ETV5: variants seen among roughly 807,000 people sequenced by gnomAD.
ETV5 encodes ETS variant transcription factor 5.
Under a neutral mutation model 70.0 loss-of-function variants are expected in ETV5, and 10 were observed. The observed-to-expected ratio is 0.14, with a 90% CI of 0.09 to 0.24. The LOEUF (loss-of-function observed/expected upper bound fraction) is 0.24. ETV5 is among the 10% of genes least tolerant of loss of function. The pLI is 1.00. For synonymous variants in ETV5, 216 were observed against 242.2 expected, an observed-to-expected ratio of 0.89 and a Z score of 1.01; for missense variants, 453 against 651.2, an observed-to-expected ratio of 0.70 and a Z score of 3.31.
chr3:186,064,281 G>T, intron 9 of ETV5, 136 bp downstream of exon 9: 1 of 769,808 alleles, frequency 1.3e-6, no homozygotes, highest in Non-Finnish European at 2.2e-6. Flanking sequence ...CCTGGAAACT[G>T]AGCAATTTTA....
At chr3:186,060,202 A>G (rs1713270948) in intron 9 of ETV5, among the ~76,000 whole-genome samples, 1 of 152,240 alleles carries the variant, frequency 6.6e-6, no homozygotes, top group South Asian at 2.1e-4. Context: ...AAGGTAAGAA[A>G]AATACATTCA....
In ETV5 at chr3:186,105,704, T is replaced by C. The variant is rs774311564; in HGVS notation, c.54A>G (p.Arg18=). 1.2e-6 allele frequency: 2 copies of C among 1,614,126 alleles called. No homozygotes were observed. Among genetic ancestry groups the C allele is most frequent in the Non-Finnish European group, 1.7e-6 (2 of 1,180,026 alleles). Residue 18 remains arginine (R), a synonymous_variant, in exon 3 of 13, where the codon CGA becomes CGG. Transcript: ENST00000306376. This position sits in a 1 kb window ranked among gnomAD's most constrained non-coding sequence, Gnocchi z 4.5. Reference sequence around the variant, plus strand: ...CAGGCCGCCCTCTGCATTCCTCAGATCGAGATTTCTGAAAGAGGCCAACAG... The same window carrying C: ...CAGGCCGCCCTCTGCATTCCTCAGACCGAGATTTCTGAAAGAGGCCAACAG... ...QVPFMVPGKS[R]SEECRGRPVI...
At chr3:186,081,596 G>C (rs1713935774) in intron 5 of ETV5, among the ~76,000 whole-genome samples, 1 of 152,020 alleles carries the variant, frequency 6.6e-6, no homozygotes, top group African/African-American at 2.4e-5. Context: ...GCTTATCAAA[G>C]GCTTAAAATT....
intron 1 of ETV5, among the ~76,000 whole-genome samples, 154 bp from the exon 2 acceptor site, chr3:186,106,096 C>A (rs994038171): frequency 7.2e-5 from 11 of 152,122 alleles, no homozygotes; most frequent in African/African-American, 2.7e-4. Context: ...CACACCAATG[C>A]CGGGCTTGAT....
intron 7 of ETV5, among the ~76,000 whole-genome samples, chr3:186,074,859 C>CAAAAAAAAA (rs747453303): frequency 2.0e-4 from 15 of 76,418 alleles, no homozygotes; most frequent in South Asian, 5.0e-4. Flanking sequence ...ACTCTGTCTC[C>CAAAAAAAAA]AAAAAAAAAA....
At chr3:186,058,383 C>A (rs1713217475) in intron 9 of ETV5, among the ~76,000 whole-genome samples, 1 of 152,226 alleles carries the variant, frequency 6.6e-6, no homozygotes, top group Non-Finnish European at 1.5e-5. Flanking sequence ...GTCTCCAGTG[C>A]ATACTCCTTT....
chr3:186,089,735 T>A (rs912153007), intron 5 of ETV5, among the ~76,000 whole-genome samples: 1 of 152,132 alleles, frequency 6.6e-6, no homozygotes, highest in South Asian at 2.1e-4. Context: ...ACAGGGAAAA[T>A]AAAAAAGCTA....
chr3:186,089,376 A>G (rs980669707), intron 5 of ETV5, among the ~76,000 whole-genome samples: 15 of 152,248 alleles, frequency 9.9e-5, no homozygotes. Flanking sequence ...TAACCTGTGT[A>G]AGGATAAATT....
intron 1 of ETV5, among the ~76,000 whole-genome samples, chr3:186,108,274 T>C (rs1714644616): frequency 6.6e-6 from 1 of 151,978 alleles, no homozygotes; most frequent in Admixed American, 6.5e-5. Flanking sequence ...ACACCCGTGT[T>C]ATCCCCACCA....
rs117332572 is a variant in ETV5 at position 186,073,384 on chromosome 3, C to T, written c.650+6433G>A. Among the ~76,000 whole-genome samples, 63 of 152,292 alleles carry T rather than the reference C, an allele frequency of 4.1e-4. 1 individual carries two copies. Among genetic ancestry groups the T allele is most frequent in the East Asian group, 2.9e-3 (15 of 5,192 alleles). On this transcript the variant is annotated intron_variant, in intron 7 of 12. Transcript: ENST00000306376. ...GCGTGATTTTATTTAATCTACCCAA[C>T]GCTTCTGTGTGGTATCTATTATCCT...
At position 186,079,963 on chromosome 3, in the gene ETV5, T is replaced by C. The variant is rs758040191; in HGVS notation, c.504A>G (p.Pro168=). The C allele has an allele frequency of 6.3e-7, 1 of 1,582,466 alleles. No homozygotes were observed. The highest frequency in any genetic ancestry group is 1.8e-5 in the Admixed American group (1 of 55,548). ...PTSGHAPAAG[P]VQGVGPAPAP... is the part of the protein sequence containing the mutation. Reference sequence around the variant, plus strand: ...CGGGGGCGGGGCCCACACCTTGAACTGGGCCAGCTGCAGGGGCATGCCCTG... The same window carrying C: ...CGGGGGCGGGGCCCACACCTTGAACCGGGCCAGCTGCAGGGGCATGCCCTG... The change falls in exon 7 of 13, where the codon CCA becomes CCG. Residue 168 remains proline (P), a synonymous_variant. Coordinates refer to ENST00000306376, the MANE Select transcript of ETV5 (RefSeq NM_004454.3).
At chr3:186,100,277 C>A (rs1474123245) in intron 5 of ETV5, among the ~76,000 whole-genome samples, 1 of 152,176 alleles carries the variant, frequency 6.6e-6, no homozygotes, top group Non-Finnish European at 1.5e-5. Context: ...AAACCAATGG[C>A]CTTGTTTTCC....
chr3:186,046,668 T>TA lies in ETV5; in HGVS notation c.*1970_*1971insT, dbSNP rs1712884880. 9 of 172,114 alleles carry TA rather than the reference T, an allele frequency of 5.2e-5. No homozygotes were observed. Among genetic ancestry groups the TA allele is most frequent in the African/African-American group, 9.0e-5 (3 of 33,192 alleles). 10.7% of individuals were successfully genotyped at this position (172,114 alleles called of 1,614,324 possible). On this transcript the variant is annotated 3_prime_UTR_variant, in exon 13 of 13. Transcript: ENST00000306376. ...TATTGCTAAGACAGCATAAATCCAT[T>TA]CAAAAGAAAAAAAAAAAAAATCCAA... is the stretch of plus-strand genomic sequence containing the variant.
chr3:186,103,287 G>C lies in ETV5; in HGVS notation c.232+2018C>G, dbSNP rs1227080308. On this transcript the variant is annotated intron_variant, in intron 5 of 12. Coordinates refer to ENST00000306376, the MANE Select transcript of ETV5 (RefSeq NM_004454.3). Reference sequence around the variant, plus strand: ...TTGCTGAGCAGAAATTATTTCTAAAGAGCCAAAACACATTTATTGATTTCT... The same window carrying C: ...TTGCTGAGCAGAAATTATTTCTAAACAGCCAAAACACATTTATTGATTTCT... 2.0e-5 allele frequency among the ~76,000 whole-genome samples: 3 copies of C among 152,140 alleles called. No individual in the cohort carries two copies. The East Asian group carries it at 5.8e-4, about 29-fold the overall frequency.
At position 186,105,923 on chromosome 3, in the gene ETV5, C is replaced by T; in HGVS notation, c.-55G>A. The T allele has an allele frequency of 6.2e-7, 1 of 1,601,228 alleles. No homozygotes were observed. Among genetic ancestry groups the T allele is most frequent in the Non-Finnish European group, 8.5e-7 (1 of 1,172,656 alleles). On this transcript the variant is annotated 5_prime_UTR_variant, in exon 2 of 13. Transcript: ENST00000306376. This position sits in a 1 kb window ranked among gnomAD's most constrained non-coding sequence, Gnocchi z 4.5. The stretch of plus-strand genomic sequence containing the variant: ...GAGAGGTTTCAGCATTGAGTAATTT[C>T]TGGGGGAAAAGGGATCCTCCTGTAA...
At chr3:186,087,641 G>T (rs1309246871) in intron 5 of ETV5, among the ~76,000 whole-genome samples, 1 of 152,054 alleles carries the variant, frequency 6.6e-6, no homozygotes. Context: ...AAATAAACTG[G>T]TCCATTCAAG....
At chr3:186,095,891 T>C (rs1277958590) in intron 5 of ETV5, among the ~76,000 whole-genome samples, 1 of 152,136 alleles carries the variant, frequency 6.6e-6, no homozygotes, top group Admixed American at 6.5e-5. Context: ...TGGTAGGGAA[T>C]GCGGTGGTGT....
intron 6 of ETV5, chr3:186,080,668 A>G (rs564130099): frequency 2.4e-4 from 55 of 231,016 alleles, no homozygotes; most frequent in African/African-American, 1.1e-3. Context: ...ACTTTTTCAT[A>G]TATTCTGATT....
At chr3:186,078,631 T>G (rs1713854813) in intron 7 of ETV5, among the ~76,000 whole-genome samples, 2 of 151,980 alleles carry the variant, frequency 1.3e-5, no homozygotes, top group South Asian at 4.2e-4. Context: ...TGCCAAAAGC[T>G]CAGCGGCAGC....
Sources: gnomAD v4.1 joint callset for allele counts (sites outside exome capture counted in the v4.1 genomes callset) on GRCh38, gnomAD v4.1.1 for gene constraint, Gnocchi (gnomAD v3.1) non-coding constraint, MANE v1.5 for transcripts, NCBI Gene and HGNC (gene_info 2026-07-23, HGNC 2026-07-21) for gene names.